The following ATRNL1 variants were observed in gnomAD, a reference collection of about 807,000 sequenced individuals.
ATRNL1 encodes attractin like 1, also known as attractin-like protein 1.
A neutral mutation model predicts 182.7 loss-of-function variants in ATRNL1; 95 were observed. The observed-to-expected ratio is 0.52, with a 90% CI of 0.44 to 0.62. The LOEUF (loss-of-function observed/expected upper bound fraction) is 0.62. Ranked by LOEUF, ATRNL1 falls within the 20% of genes least tolerant of loss-of-function variation. The pLI is 0.00. For missense variants in ATRNL1, 1,471 were observed against 1,679.5 expected, an observed-to-expected ratio of 0.88 and a Z score of 2.17; for synonymous variants, 576 against 568.3, an observed-to-expected ratio of 1.01 and a Z score of -0.19.
chr10:115,913,593 G>A (rs1384847796), intron 28 of ATRNL1, among the ~76,000 whole-genome samples: 1 of 152,190 alleles, frequency 6.6e-6, no homozygotes, highest in Non-Finnish European at 1.5e-5. Context: ...ACAGTACATG[G>A]TAGGTTTTAT....
intron 16 of ATRNL1, 38 bp downstream of exon 16, chr10:115,300,285 T>C (rs1554924078): frequency 1.0e-5 from 16 of 1,528,938 alleles, no homozygotes; most frequent in Admixed American, 1.7e-5. Context: ...TTTAAAAGTA[T>C]GTTTCCCACC....
At chr10:115,293,959 A>G (rs1853050837) in intron 15 of ATRNL1, among the ~76,000 whole-genome samples, 1 of 152,158 alleles carries the variant, frequency 6.6e-6, no homozygotes, top group Non-Finnish European at 1.5e-5. Context: ...GGCTGGATCT[A>G]TTTGGTGTTC....
chr10:115,465,054 A>G (rs1330776633), intron 22 of ATRNL1, among the ~76,000 whole-genome samples: 1 of 151,768 alleles, frequency 6.6e-6, no homozygotes, highest in African/African-American at 2.4e-5. Flanking sequence ...GAGGGAAGTA[A>G]TTACATCCCC....
chr10:115,284,026 G>A (rs991432776), intron 14 of ATRNL1, among the ~76,000 whole-genome samples: 1 of 152,116 alleles, frequency 6.6e-6, no homozygotes, highest in Admixed American at 6.5e-5. Flanking sequence ...TAAATAGAGG[G>A]CCCAGTCTGT....
chr10:115,503,258 CTG>C (rs2133641539), intron 24 of ATRNL1, among the ~76,000 whole-genome samples: 1 of 152,160 alleles, frequency 6.6e-6, no homozygotes, highest in African/African-American at 2.4e-5. Flanking sequence ...TTTCGATAAA[CTG>C]TAAAATCTTT....
At chr10:115,630,858 ACACACACAC>A (rs1555026140) in intron 26 of ATRNL1, among the ~76,000 whole-genome samples, 7 of 147,684 alleles carry the variant, frequency 4.7e-5, no homozygotes, top group Non-Finnish European at 7.4e-5. Context: ...ACACACACAC[ACACACACAC>A]ACACACATTG....
At chr10:115,877,583 T>C (rs1235639107) in intron 28 of ATRNL1, among the ~76,000 whole-genome samples, 3 of 152,208 alleles carry the variant, frequency 2.0e-5, no homozygotes, top group Non-Finnish European at 4.4e-5. Flanking sequence ...ATGGGTAAAG[T>C]ACACTGATGT....
intron 26 of ATRNL1, among the ~76,000 whole-genome samples, chr10:115,552,394 G>A (rs2784806): frequency 0.3 from 45,332 of 150,958 alleles, 7,896 homozygotes; most frequent in East Asian, 0.68. Flanking sequence ...TTATTGTAAA[G>A]CTCAGAGGAC....
intron 24 of ATRNL1, among the ~76,000 whole-genome samples, chr10:115,506,036 G>T (rs1255365988): frequency 6.6e-6 from 1 of 151,370 alleles, no homozygotes; most frequent in Non-Finnish European, 1.5e-5. Context: ...GTTTGGCCTG[G>T]CTAGTAAAAA....
intron 21 of ATRNL1, among the ~76,000 whole-genome samples, chr10:115,432,063 C>A (rs968663247): frequency 6.6e-6 from 1 of 151,994 alleles, no homozygotes; most frequent in African/African-American, 2.4e-5. Context: ...TTAAAATTTT[C>A]TAGTAGCTTC....
chr10:115,500,550 AT>A (rs74488419), intron 24 of ATRNL1, among the ~76,000 whole-genome samples: 61 of 150,398 alleles, frequency 4.1e-4, no homozygotes, highest in African/African-American at 1.3e-3. Context: ...AGCAAGAATA[AT>A]TTTTTTTTTG....
intron 26 of ATRNL1, among the ~76,000 whole-genome samples, chr10:115,637,689 A>G (rs1380946232): frequency 6.6e-6 from 1 of 150,390 alleles, no homozygotes; most frequent in Non-Finnish European, 1.5e-5. Flanking sequence ...CAGTGGTGCA[A>G]TCTTGGCTCA....
chr10:115,585,427 G>A (rs1416690004), intron 26 of ATRNL1, among the ~76,000 whole-genome samples: 4 of 128,022 alleles, frequency 3.1e-5, no homozygotes, highest in South Asian at 2.6e-4. Flanking sequence ...ATGAATCTGC[G>A]TGCTCCTGTA....
intron 8 of ATRNL1, among the ~76,000 whole-genome samples, chr10:115,187,978 C>T (rs1249972626): frequency 7.2e-6 from 1 of 138,006 alleles, no homozygotes; most frequent in African/African-American, 2.7e-5. Context: ...CCGCACCCAG[C>T]TGGTTCTTAA....
intron 5 of ATRNL1, among the ~76,000 whole-genome samples, chr10:115,138,614 G>C (rs1432719450): frequency 6.6e-6 from 1 of 152,204 alleles, no homozygotes; most frequent in Admixed American, 6.5e-5. Context: ...GGCTGGAGTG[G>C]CTGGAATACA....
chr10:115,645,182 G>A (rs984707156), intron 26 of ATRNL1, among the ~76,000 whole-genome samples: 8 of 151,622 alleles, frequency 5.3e-5, no homozygotes, highest in Non-Finnish European at 1.2e-4. Flanking sequence ...ACAATAGAAG[G>A]GTATATATCA....
At chr10:115,295,983 G>A (rs1853167364) in intron 15 of ATRNL1, among the ~76,000 whole-genome samples, 1 of 152,078 alleles carries the variant, frequency 6.6e-6, no homozygotes, top group Non-Finnish European at 1.5e-5. Context: ...TTGGCTCAAG[G>A]GCTTGAGTAG....
chr10:115,863,010 C>A (rs6585368), intron 28 of ATRNL1, among the ~76,000 whole-genome samples: 8,107 of 152,148 alleles, frequency 0.053, 707 homozygotes, highest in African/African-American at 0.19. Context: ...CTACAAACGT[C>A]TACTCATTTT....
At chr10:115,368,379 G>A (rs543626331) in intron 19 of ATRNL1, among the ~76,000 whole-genome samples, 55 of 152,306 alleles carry the variant, frequency 3.6e-4, no homozygotes, top group South Asian at 3.5e-3. Context: ...GCCCTGCTTC[G>A]GCTCGCGCAC....
Sources: gnomAD v4.1 joint callset for allele counts (sites outside exome capture counted in the v4.1 genomes callset) on GRCh38, gnomAD v4.1.1 for gene constraint, MANE v1.5 for transcripts, NCBI Gene and HGNC (gene_info 2026-07-23, HGNC 2026-07-21) for gene names.